TRAPPC9: variants seen among roughly 807,000 people sequenced by gnomAD.
TRAPPC9 encodes trafficking protein particle complex subunit 9.
A neutral mutation model predicts 124.0 loss-of-function variants in TRAPPC9; 83 were observed. That is an observed-to-expected ratio of 0.67 (90% CI 0.56 to 0.80). The LOEUF (loss-of-function observed/expected upper bound fraction) is 0.80. TRAPPC9 is among the 30% of genes least tolerant of loss of function. TRAPPC9 has a pLI of 0.00. For synonymous variants in TRAPPC9, 638 were observed against 617.5 expected (o/e 1.03, Z -0.49); for missense variants, 1,302 against 1,508.3 (o/e 0.86, Z 2.27).
At chr8:140,146,342 G>A (rs551840985) in intron 17 of TRAPPC9, among the ~76,000 whole-genome samples, 1 of 152,368 alleles carries the variant, frequency 6.6e-6, no homozygotes, top group South Asian at 2.1e-4. Flanking sequence ...CCCCGGCATG[G>A]ATGCCAGTGG....
intron 9 of TRAPPC9, among the ~76,000 whole-genome samples, chr8:140,348,998 G>A (rs1459097332): frequency 6.6e-6 from 1 of 151,558 alleles, no homozygotes; most frequent in South Asian, 2.1e-4. Context: ...CAGAAAAAGA[G>A]GACAGGAAAT....
At chr8:140,434,874 G>A (rs2070757394) in intron 4 of TRAPPC9, among the ~76,000 whole-genome samples, 1 of 152,036 alleles carries the variant, frequency 6.6e-6, no homozygotes, top group South Asian at 2.1e-4. Context: ...GGAGGCTGAG[G>A]GAGGAGAATT....
At chr8:140,368,109 TCTGGCTGTG>T (rs762826462) in intron 8 of TRAPPC9, among the ~76,000 whole-genome samples, 28 of 152,310 alleles carry the variant, frequency 1.8e-4, no homozygotes, top group Admixed American at 9.8e-4. Context: ...GGACTTGGCA[TCTGGCTGTG>T]CTGGCTGTGC....
intron 17 of TRAPPC9, among the ~76,000 whole-genome samples, chr8:140,155,629 C>A (rs373905998): frequency 6.6e-6 from 1 of 152,188 alleles, no homozygotes; most frequent in Non-Finnish European, 1.5e-5. Context: ...AAAGGACAAT[C>A]TCGTTTGTTT....
intron 5 of TRAPPC9, among the ~76,000 whole-genome samples, chr8:140,419,051 T>C (rs2070061049): frequency 6.6e-6 from 1 of 152,154 alleles, no homozygotes. Flanking sequence ...CCCAACACTT[T>C]GGGAGGCGGA....
intron 21 of TRAPPC9, among the ~76,000 whole-genome samples, chr8:139,790,232 T>C (rs775116581): frequency 6.6e-6 from 1 of 152,198 alleles, no homozygotes; most frequent in Non-Finnish European, 1.5e-5. Context: ...GAAAGATAAG[T>C]TTAGCCCTGT....
At chr8:139,915,592 C>T (rs1318660435) in intron 19 of TRAPPC9, among the ~76,000 whole-genome samples, 2 of 152,170 alleles carry the variant, frequency 1.3e-5, no homozygotes, top group African/African-American at 2.4e-5. Flanking sequence ...GAGGACAAGG[C>T]GTATTACCCG....
intron 10 of TRAPPC9, among the ~76,000 whole-genome samples, chr8:140,307,410 A>G (rs988090771): frequency 1.1e-4 from 17 of 152,200 alleles, no homozygotes; most frequent in African/African-American, 4.1e-4. Context: ...GGTTTCTATC[A>G]GCTGCTATTA....
At chr8:139,902,198 G>GC (rs1388507134) in intron 20 of TRAPPC9, among the ~76,000 whole-genome samples, 1 of 152,146 alleles carries the variant, frequency 6.6e-6, no homozygotes, top group Non-Finnish European at 1.5e-5. Flanking sequence ...GCCCTTCCCC[G>GC]CTCTCATGTT....
At chr8:140,387,433 A>G (rs575100568) in intron 7 of TRAPPC9, among the ~76,000 whole-genome samples, 6 of 152,288 alleles carry the variant, frequency 3.9e-5, no homozygotes, top group African/African-American at 1.4e-4. Flanking sequence ...CAGAGTGAAC[A>G]GGCAACCTAC....
At chr8:140,053,408 C>T (rs1228995446) in intron 17 of TRAPPC9, among the ~76,000 whole-genome samples, 1 of 152,190 alleles carries the variant, frequency 6.6e-6, no homozygotes, top group Admixed American at 6.5e-5. Flanking sequence ...CTTTATTCTA[C>T]TGGGTTGGAG....
At position 139,773,512 on chromosome 8, in the gene TRAPPC9, G is replaced by A. The variant is rs532475809; in HGVS notation, c.3056-41310C>T. 3.3e-5 allele frequency among the ~76,000 whole-genome samples: 5 copies of A among 152,310 alleles called. No homozygotes were observed. The East Asian group carries it at 7.7e-4, about 24-fold the overall frequency. ...ATGGGGTGAGTCCTCCCCGGTGGACGGACCTCAGAGGTCGTTGGGACAGCT... is the reference window on the plus strand; with the variant it reads ...ATGGGGTGAGTCCTCCCCGGTGGACAGACCTCAGAGGTCGTTGGGACAGCT... On this transcript the variant is annotated intron_variant, in intron 21 of 22. Transcript: ENST00000438773.
intron 9 of TRAPPC9, among the ~76,000 whole-genome samples, chr8:140,334,574 C>G (rs554674002): frequency 1.3e-5 from 2 of 151,894 alleles, no homozygotes; most frequent in South Asian, 2.1e-4. Context: ...CGCTTGAACC[C>G]GGGAGGTGGA....
At chr8:139,762,479 G>A (rs1820306227) in intron 21 of TRAPPC9, among the ~76,000 whole-genome samples, 1 of 152,140 alleles carries the variant, frequency 6.6e-6, no homozygotes, top group Non-Finnish European at 1.5e-5. Flanking sequence ...GTGTGGTGGA[G>A]CCCATTGCTT....
chr8:139,978,213 C>T (rs934165463), intron 19 of TRAPPC9, among the ~76,000 whole-genome samples: 1 of 152,116 alleles, frequency 6.6e-6, no homozygotes, highest in Non-Finnish European at 1.5e-5. Flanking sequence ...GGCACACAAC[C>T]GGCAGAACCC....
chr8:140,405,308 T>C, intron 6 of TRAPPC9: 1 of 314,766 alleles, frequency 3.2e-6, no homozygotes, highest in Non-Finnish European at 5.9e-6. Flanking sequence ...AGAAAATAGA[T>C]ATAAAATATT....
intron 18 of TRAPPC9, among the ~76,000 whole-genome samples, chr8:140,009,546 G>A (rs1038574640): frequency 6.6e-6 from 1 of 152,156 alleles, no homozygotes; most frequent in African/African-American, 2.4e-5. Context: ...TCAGGACAAA[G>A]GCCTTGGAGC....
intron 17 of TRAPPC9, among the ~76,000 whole-genome samples, chr8:140,210,943 C>T (rs537217514): frequency 6.6e-6 from 1 of 151,910 alleles, no homozygotes; most frequent in African/African-American, 2.4e-5. Flanking sequence ...CCGAAGGGCT[C>T]GTGGAAACCA....
intron 21 of TRAPPC9, among the ~76,000 whole-genome samples, chr8:139,754,535 G>A (rs544389838): frequency 1.2e-4 from 19 of 152,184 alleles, no homozygotes; most frequent in South Asian, 4.2e-4. Context: ...ACCTACATGC[G>A]GTGACTGATC....
Sources: gnomAD v4.1 joint callset for allele counts (sites outside exome capture counted in the v4.1 genomes callset) on GRCh38, gnomAD v4.1.1 for gene constraint, MANE v1.5 for transcripts, NCBI Gene and HGNC (gene_info 2026-07-23, HGNC 2026-07-21) for gene names.